ATXN7: variants seen among roughly 807,000 people sequenced by gnomAD.
ATXN7 encodes the protein ataxin-7.
A neutral mutation model predicts 70.5 loss-of-function variants in ATXN7; 12 were observed. The observed-to-expected ratio is 0.17, with a 90% CI of 0.11 to 0.28. The LOEUF (loss-of-function observed/expected upper bound fraction) is 0.28. Among genes scored for constraint, ATXN7 ranks in the 10% least tolerant of loss-of-function variants. The pLI, the probability that ATXN7 is intolerant of heterozygous loss-of-function variation, is 1.00. For missense variants in ATXN7, 1,256 were observed against 1,131.7 expected, an observed-to-expected ratio of 1.11 and a Z score of -1.58; for synonymous variants, 498 against 448.7, an observed-to-expected ratio of 1.11 and a Z score of -1.39.
chr3:63,883,305 A>G (rs1194398502), intron 1 of ATXN7, among the ~76,000 whole-genome samples: 1 of 152,226 alleles, frequency 6.6e-6, no homozygotes, highest in Admixed American at 6.5e-5. Flanking sequence ...CCAGACTTTA[A>G]AAAAGTCTGA....
At chr3:63,882,577 G>A (rs1338735139) in intron 1 of ATXN7, among the ~76,000 whole-genome samples, 4 of 151,794 alleles carry the variant, frequency 2.6e-5, no homozygotes, top group African/African-American at 4.8e-5. Context: ...AGTAGAGACC[G>A]ATTTCACCAT....
In ATXN7 at chr3:63,988,566, T is replaced by G. The variant is rs1479616215; in HGVS notation, c.1361+242T>G. Reference sequence around the variant, plus strand: ...AAGCTAGAGTTATCTGCTCTATACTTGCTGAACATCAAGTGTCTCAACTCT... The same window carrying G: ...AAGCTAGAGTTATCTGCTCTATACTGGCTGAACATCAAGTGTCTCAACTCT... On this transcript the variant is annotated intron_variant, in intron 9 of 12. Coordinates refer to ENST00000674280, the MANE Select transcript of ATXN7 (RefSeq NM_001377405.1). 16 of 497,946 alleles carry G rather than the reference T, an allele frequency of 3.2e-5. No homozygotes were observed. In the Admixed American group the frequency reaches 5.9e-4, roughly 18 times the overall value. The allele number at this position is 497,946 out of a possible 1,614,324, so 30.8% of individuals were successfully genotyped here. A position where few individuals can be genotyped will look rare whatever the true frequency, so the allele number is the denominator to read the frequency against.
rs532856549 is a variant in ATXN7, at chr3:63,913,079, C to T, written c.326-78C>T. 2.4e-5 allele frequency: 37 copies of T among 1,513,262 alleles called. No individual in the cohort carries two copies. The African/African-American group carries it at 4.7e-4, about 19-fold the overall frequency. The allele number at this position is 1,513,262 out of a possible 1,614,324, so 93.7% of individuals were successfully genotyped here. ...AACGCGGAGGTGCCCACACCTACCC[C>T]GTGCGTGCGTGAGTGTGCGTCACAC... On this transcript the variant is annotated intron_variant, in intron 3 of 12. Transcript: ENST00000674280.
At chr3:63,993,275 A>ATTTTTTTTTTTTT (rs556994956) in intron 11 of ATXN7, among the ~76,000 whole-genome samples, 2 of 116,014 alleles carry the variant, frequency 1.7e-5, no homozygotes, top group African/African-American at 6.5e-5. Flanking sequence ...TTGTTGGTGT[A>ATTTTTTTTTTTTT]TTTTTTTTTT....
intron 8 of ATXN7, among the ~76,000 whole-genome samples, chr3:63,983,251 C>T (rs895861931): frequency 1.7e-4 from 26 of 152,126 alleles, no homozygotes; most frequent in Admixed American, 5.9e-4. Context: ...TTCTAATGAG[C>T]AGTGTTGTAT....
At chr3:63,988,994 G>T (rs188474970) in intron 9 of ATXN7, among the ~76,000 whole-genome samples, 2 of 152,192 alleles carry the variant, frequency 1.3e-5, no homozygotes, top group Non-Finnish European at 2.9e-5. Context: ...AGTGTTGGCC[G>T]TTCATTTATT....
At chr3:63,954,732 G>A (rs1250708513) in intron 5 of ATXN7, among the ~76,000 whole-genome samples, 9 of 138,192 alleles carry the variant, frequency 6.5e-5, no homozygotes, top group East Asian at 4.1e-4. Flanking sequence ...TTTTTGAGAC[G>A]GAGTCTCGCT....
chr3:63,935,475 C>T (rs1440443003), intron 4 of ATXN7, among the ~76,000 whole-genome samples: 4 of 152,144 alleles, frequency 2.6e-5, no homozygotes, highest in Non-Finnish European at 4.4e-5. Context: ...CACACACACT[C>T]GATGGCAGCT....
At chr3:63,930,969 G>C (rs1237691472) in intron 4 of ATXN7, among the ~76,000 whole-genome samples, 2 of 152,204 alleles carry the variant, frequency 1.3e-5, no homozygotes, top group African/African-American at 4.8e-5. Flanking sequence ...AAATATGGCT[G>C]TTGATTGCCG....
At chr3:63,948,953 C>T (rs997687201) in intron 4 of ATXN7, among the ~76,000 whole-genome samples, 2 of 152,038 alleles carry the variant, frequency 1.3e-5, no homozygotes, top group Non-Finnish European at 2.9e-5. Context: ...TAATTAATGG[C>T]CTAAGTTGTA....
At chr3:63,954,270 C>T (rs2075002423) in intron 5 of ATXN7, among the ~76,000 whole-genome samples, 2 of 152,178 alleles carry the variant, frequency 1.3e-5, no homozygotes, top group African/African-American at 4.8e-5. Flanking sequence ...CCACATATGG[C>T]TGCACAGTTT....
At chr3:63,972,257 C>CT (rs1158308658) in intron 5 of ATXN7, among the ~76,000 whole-genome samples, 6 of 152,212 alleles carry the variant, frequency 3.9e-5, no homozygotes, top group Non-Finnish European at 8.8e-5. Flanking sequence ...TGGCCAAAGA[C>CT]TGTGTGCATG....
At chr3:63,961,943 G>T (rs181949119) in intron 5 of ATXN7, among the ~76,000 whole-genome samples, 28 of 152,142 alleles carry the variant, frequency 1.8e-4, no homozygotes, top group African/African-American at 6.7e-4. Flanking sequence ...TAATTTGTAC[G>T]ATGACTAAGA....
chr3:63,910,798 C>CT (rs1444233586), intron 2 of ATXN7, among the ~76,000 whole-genome samples: 1 of 152,030 alleles, frequency 6.6e-6, no homozygotes, highest in Non-Finnish European at 1.5e-5. Flanking sequence ...ATTTTACAGA[C>CT]TTATTTCTAA....
chr3:63,968,235 G>A lies in ATXN7; in HGVS notation c.500-11680G>A, dbSNP rs1575965146. ...TGGGTAATCGCAGCCACAGGGATTA[G>A]CTGCTGCAAGCTGTCCACAGAAGCC... On this transcript the variant is annotated intron_variant, in intron 5 of 12. Coordinates refer to ENST00000674280, the MANE Select transcript of ATXN7 (RefSeq NM_001377405.1). 5 of 412,694 alleles carry A rather than the reference G, an allele frequency of 1.2e-5. No homozygotes were observed. The South Asian group carries it at 1.2e-4, about 10-fold the overall frequency. The allele number at this position is 412,694 out of a possible 1,614,324, so 25.6% of individuals were successfully genotyped here.
chr3:63,981,905 A>G (rs947238663), intron 6 of ATXN7, among the ~76,000 whole-genome samples: 3 of 152,196 alleles, frequency 2.0e-5, no homozygotes, highest in East Asian at 1.9e-4. Context: ...TGCATTGGGT[A>G]TCAGGTCTGA....
At chr3:63,986,334 T>C (rs577981836) in intron 8 of ATXN7, among the ~76,000 whole-genome samples, 71 of 152,270 alleles carry the variant, frequency 4.7e-4, no homozygotes, top group Non-Finnish European at 9.4e-4. Context: ...CCCTATCGGA[T>C]TTCTGTTTGG....
At chr3:63,921,881 G>A (rs1243904688) in intron 4 of ATXN7, among the ~76,000 whole-genome samples, 8 of 152,178 alleles carry the variant, frequency 5.3e-5, no homozygotes. Context: ...TCACAAGCAC[G>A]CCTTTAATCA....
At chr3:63,924,742 G>A (rs938855115) in intron 4 of ATXN7, among the ~76,000 whole-genome samples, 3 of 152,178 alleles carry the variant, frequency 2.0e-5, no homozygotes, top group African/African-American at 7.2e-5. Context: ...ATTGTATGGG[G>A]AAGTGATAGC....
Sources: allele counts gnomAD v4.1 joint callset (sites outside exome capture counted in the v4.1 genomes callset), GRCh38; gene constraint gnomAD v4.1.1; transcripts MANE v1.5; gene names NCBI Gene and HGNC (gene_info 2026-07-23, HGNC 2026-07-21).